PCDH15: variants seen among roughly 807,000 people sequenced by gnomAD.
PCDH15 encodes protocadherin-15.
Under a neutral mutation model 178.5 loss-of-function variants are expected in PCDH15, and 129 were observed. The ratio of observed to expected loss-of-function variants is 0.72; its 90% CI spans 0.63 to 0.84. PCDH15 has a LOEUF of 0.84. Among genes scored for constraint, PCDH15 ranks in the 40% least tolerant of loss-of-function variants. PCDH15 has a pLI of 0.00. For synonymous variants in PCDH15, 800 were observed against 732.0 expected (o/e 1.09, Z -1.50); for missense variants, 2,230 against 2,099.9 (o/e 1.06, Z -1.21).
intron 3 of PCDH15, among the ~76,000 whole-genome samples, chr10:54,846,050 A>G (rs1014801418): frequency 1.3e-5 from 2 of 152,086 alleles, no homozygotes; most frequent in African/African-American, 4.8e-5. Context: ...CTAATTACTT[A>G]CCTTTACTGC....
At chr10:55,291,312 C>G (rs148125967) in intron 1 of PCDH15, among the ~76,000 whole-genome samples, 2 of 152,184 alleles carry the variant, frequency 1.3e-5, no homozygotes, top group Admixed American at 6.6e-5. Context: ...TCTGGTTTCT[C>G]TGCTTTAGAA....
intron 2 of PCDH15, among the ~76,000 whole-genome samples, chr10:55,414,871 T>A (rs1422685407): frequency 2.0e-5 from 3 of 151,290 alleles, no homozygotes; most frequent in African/African-American, 7.3e-5. Context: ...TATCTGCAAA[T>A]AAGGATAGTT....
chr10:55,343,453 C>G (rs1383919633), intron 2 of PCDH15, among the ~76,000 whole-genome samples: 1 of 152,076 alleles, frequency 6.6e-6, no homozygotes, highest in Non-Finnish European at 1.5e-5. Flanking sequence ...ATATCTTTCT[C>G]TCTTTACTCA....
chr10:54,368,995 G>T, intron 5 of PCDH15, 125 bp downstream of exon 5: 5 of 1,089,088 alleles, frequency 4.6e-6, no homozygotes, highest in Admixed American at 4.3e-5. Context: ...TTTTTTTAAT[G>T]TTTTCTTGAT....
chr10:55,620,664 AT>A (rs1181854867), intron 2 of PCDH15, among the ~76,000 whole-genome samples: 3 of 151,904 alleles, frequency 2.0e-5, no homozygotes, highest in Admixed American at 1.3e-4. Flanking sequence ...ATGTAGTAGA[AT>A]GTTTCCTAGA....
chr10:54,369,597 A>C (rs1296957143), intron 4 of PCDH15, among the ~76,000 whole-genome samples: 1 of 152,060 alleles, frequency 6.6e-6, no homozygotes, highest in Non-Finnish European at 1.5e-5. Flanking sequence ...AGAAGCAATA[A>C]TATAAACTTT....
At chr10:55,074,217 G>T (rs1324252527) in intron 2 of PCDH15, among the ~76,000 whole-genome samples, 1 of 152,100 alleles carries the variant, frequency 6.6e-6, no homozygotes, top group Non-Finnish European at 1.5e-5. Flanking sequence ...TATTCCTTTG[G>T]TTATATACCC....
chr10:54,901,049 C>T (rs996751149), intron 2 of PCDH15, among the ~76,000 whole-genome samples: 2 of 152,054 alleles, frequency 1.3e-5, no homozygotes, highest in Non-Finnish European at 2.9e-5. Context: ...TGTGGTGGCT[C>T]GTGCCTGCAA....
chr10:55,269,368 T>C (rs754745519), intron 1 of PCDH15, among the ~76,000 whole-genome samples: 2 of 152,062 alleles, frequency 1.3e-5, no homozygotes, highest in Non-Finnish European at 2.9e-5. Flanking sequence ...TTTGACTCCA[T>C]ACCTAGAAAA....
chr10:54,548,331 T>C (rs1010836140), intron 2 of PCDH15, among the ~76,000 whole-genome samples: 3 of 148,444 alleles, frequency 2.0e-5, no homozygotes, highest in Non-Finnish European at 4.5e-5. Context: ...TAGATTTTTG[T>C]CTTTCATATA....
At chr10:54,361,437 C>T (rs1383220095) in intron 5 of PCDH15, among the ~76,000 whole-genome samples, 1 of 152,044 alleles carries the variant, frequency 6.6e-6, no homozygotes, top group Non-Finnish European at 1.5e-5. Context: ...ATCATCGTTC[C>T]TACCATTCAA....
chr10:54,177,567 G>T (rs1172962281), intron 13 of PCDH15, among the ~76,000 whole-genome samples: 2 of 147,504 alleles, frequency 1.4e-5, no homozygotes, highest in Non-Finnish European at 3.0e-5. Context: ...CTCAATTTTG[G>T]TGTGTACCTA....
intron 2 of PCDH15, among the ~76,000 whole-genome samples, chr10:55,461,883 G>C (rs1839686981): frequency 6.6e-6 from 1 of 151,896 alleles, no homozygotes; most frequent in South Asian, 2.1e-4. Context: ...CATTCATCTG[G>C]TTGAAATTAC....
chr10:54,790,872 A>G (rs1315808073), intron 1 of PCDH15, among the ~76,000 whole-genome samples: 1 of 151,940 alleles, frequency 6.6e-6, no homozygotes. Flanking sequence ...AGAGGTAGCT[A>G]AATAAAACTG....
At chr10:54,506,956 A>AT (rs1366021679) in intron 3 of PCDH15, among the ~76,000 whole-genome samples, 4 of 151,892 alleles carry the variant, frequency 2.6e-5, no homozygotes, top group Admixed American at 1.3e-4. Context: ...TGATCAACTG[A>AT]TTCAAAAAAA....
intron 2 of PCDH15, among the ~76,000 whole-genome samples, chr10:55,622,144 TATATCTATAA>T (rs1837415602): frequency 1.5e-5 from 2 of 136,098 alleles, no homozygotes; most frequent in African/African-American, 5.5e-5. Flanking sequence ...ATATATTATA[TATATCTATAA>T]ATATATATAT....
intron 2 of PCDH15, among the ~76,000 whole-genome samples, chr10:55,561,230 C>T (rs1473026573): frequency 6.6e-6 from 1 of 151,826 alleles, no homozygotes; most frequent in Non-Finnish European, 1.5e-5. Context: ...TTTCACATCA[C>T]TAAACATTTT....
intron 2 of PCDH15, among the ~76,000 whole-genome samples, chr10:55,098,895 T>TGAGAGAGAGAGAGAGAGAGGGAGAGAGA (rs1842509268): frequency 8.3e-6 from 1 of 120,198 alleles, no homozygotes; most frequent in African/African-American, 3.4e-5. Flanking sequence ...AAAACTTCAA[T>TGAGAGAGAGAGAGAGAGAGGGAGAGAGA]GAGAGAGAGA....
intron 4 of PCDH15, among the ~76,000 whole-genome samples, chr10:54,376,188 C>T (rs542335535): frequency 2.6e-5 from 4 of 151,952 alleles, no homozygotes; most frequent in African/African-American, 9.6e-5. Context: ...AGCCATCACA[C>T]CCAGCCCATA....
Sources: gnomAD v4.1 joint callset for allele counts (sites outside exome capture counted in the v4.1 genomes callset) on GRCh38, gnomAD v4.1.1 for gene constraint, MANE v1.5 for transcripts, NCBI Gene and HGNC (gene_info 2026-07-23, HGNC 2026-07-21) for gene names.